Variants in ZSCAN5A observed in about 807,000 individuals in gnomAD.
ZSCAN5A encodes the protein zinc finger and SCAN domain-containing protein 5A.
In ZSCAN5A, 12 loss-of-function variants were observed where a neutral mutation model predicts 23.7. The observed-to-expected ratio is 0.51, with a 90% CI of 0.32 to 0.82. ZSCAN5A has a LOEUF of 0.82. Among genes scored for constraint, ZSCAN5A ranks in the 40% least tolerant of loss-of-function variants. The probability of loss-of-function intolerance (pLI) is 0.03; values close to 1 mark genes in which losing one functional copy is unlikely to be tolerated. For synonymous variants in ZSCAN5A, 257 were observed against 239.9 expected, an observed-to-expected ratio of 1.07 and a Z score of -0.66; for missense variants, 597 against 617.9, an observed-to-expected ratio of 0.97 and a Z score of 0.36.
At chr19:56,251,263 C>T (rs1343074125) in intron 2 of ZSCAN5A, among the ~76,000 whole-genome samples, 1 of 151,990 alleles carries the variant, frequency 6.6e-6, no homozygotes, top group Non-Finnish European at 1.5e-5. Flanking sequence ...TGCCTTTCTC[C>T]ATGATGTTTA....
At chr19:56,307,294 A>G (rs78528123) in intron 2 of ZSCAN5A, among the ~76,000 whole-genome samples, 17,383 of 152,158 alleles carry the variant, frequency 0.11, 1,104 homozygotes, top group African/African-American at 0.16. Flanking sequence ...ACTCGATCAT[A>G]CGATATACCC....
At chr19:56,226,694 C>T (rs1487147939) in intron 2 of ZSCAN5A, among the ~76,000 whole-genome samples, 1 of 152,150 alleles carries the variant, frequency 6.6e-6, no homozygotes, top group Non-Finnish European at 1.5e-5. Flanking sequence ...CTGCATGATC[C>T]GGCAATCCCG....
intron 2 of ZSCAN5A, among the ~76,000 whole-genome samples, chr19:56,326,786 T>C (rs564944865): frequency 3.3e-5 from 5 of 152,264 alleles, no homozygotes; most frequent in African/African-American, 1.2e-4. Flanking sequence ...GGCCCTAATA[T>C]GCAACATATT....
chr19:56,304,583 C>G (rs984864350), intron 2 of ZSCAN5A, among the ~76,000 whole-genome samples: 1 of 151,978 alleles, frequency 6.6e-6, no homozygotes, highest in Non-Finnish European at 1.5e-5. Context: ...GGAGAACTGG[C>G]TGGAAGATGG....
chr19:56,303,254 T>C lies in ZSCAN5A; in HGVS notation c.-128+10029A>G, dbSNP rs1437788155. Among the ~76,000 whole-genome samples, 4 of 151,878 alleles carry C rather than the reference T, an allele frequency of 2.6e-5. No homozygotes were observed. In the South Asian group the frequency reaches 8.3e-4, roughly 32 times the overall value. The stretch of plus-strand genomic sequence containing the variant: ...CAGCACTGTGGGAGGCTGAGGCGGC[T>C]GGATCACGAGGTCAGGAGTTCAAGA... On this transcript the variant is annotated intron_variant, in intron 2 of 5. Coordinates refer to ENST00000683990, the MANE Select transcript of ZSCAN5A (RefSeq NM_001322064.3).
At chr19:56,321,921 T>C in intron 2 of ZSCAN5A, 1 of 782,204 alleles carries the variant, frequency 1.3e-6, no homozygotes, top group Non-Finnish European at 2.4e-6. Flanking sequence ...TACTGCTCAA[T>C]ATCCAACTTC....
At chr19:56,334,997 C>A (rs991602337) in intron 2 of ZSCAN5A, among the ~76,000 whole-genome samples, 2 of 152,112 alleles carry the variant, frequency 1.3e-5, no homozygotes, top group Non-Finnish European at 2.9e-5. Context: ...ACAAACTTCA[C>A]TGAGCTAAAG....
At chr19:56,329,256 C>G (rs1157223074) in intron 2 of ZSCAN5A, among the ~76,000 whole-genome samples, 1 of 151,076 alleles carries the variant, frequency 6.6e-6, no homozygotes, top group Admixed American at 6.6e-5. Flanking sequence ...GGCTGAGGCA[C>G]GAGAATCAGT....
intron 2 of ZSCAN5A, among the ~76,000 whole-genome samples, chr19:56,231,283 A>C (rs55705536): frequency 0.073 from 11,109 of 152,282 alleles, 481 homozygotes; most frequent in African/African-American, 0.12. Flanking sequence ...TCATATGTCA[A>C]ATTATTAGAT....
chr19:56,355,018 A>G (rs2041692779), intron 2 of ZSCAN5A, among the ~76,000 whole-genome samples: 1 of 152,212 alleles, frequency 6.6e-6, no homozygotes, highest in Non-Finnish European at 1.5e-5. Context: ...TCATGTGGAA[A>G]GCATCTTAGC....
chr19:56,307,542 G>C (rs1008561018), intron 2 of ZSCAN5A, among the ~76,000 whole-genome samples: 14 of 152,156 alleles, frequency 9.2e-5, no homozygotes, highest in Non-Finnish European at 1.5e-5. Context: ...CAAGCACAGG[G>C]TACAGAAGGC....
chr19:56,356,488 T>C (rs1000597153), intron 2 of ZSCAN5A, among the ~76,000 whole-genome samples: 2 of 147,974 alleles, frequency 1.4e-5, no homozygotes, highest in African/African-American at 2.6e-5. Context: ...CTGGGGAGTA[T>C]AGATGAGGCT....
Position 56,222,128 on chromosome 19 carries a change from T to C in ZSCAN5A, c.938A>G (p.Gln313Arg). Reference protein sequence around the residue: ...DASSISQEEPQGEATPVGNRE... With the variant: ...DASSISQEEPRGEATPVGNRE... The stretch of plus-strand genomic sequence containing the variant: ...GTTGCCCACAGGTGTGGCTTCTCCT[T>C]GAGGCTCTTCTTGGGAAATGGAGGA... Residue 313 changes from glutamine to arginine, a missense_variant, in exon 6 of 6, where the codon CAA becomes CGA. By Grantham distance (43) the Gln-to-Arg change is conservative. Transcript: ENST00000683990. 1 of 1,614,128 alleles carries C rather than the reference T, an allele frequency of 6.2e-7. No homozygotes were observed. Among genetic ancestry groups the C allele is most frequent in the South Asian group, 1.1e-5 (1 of 91,074 alleles).
intron 2 of ZSCAN5A, chr19:56,263,577 TG>T (rs1371551057): frequency 1.3e-5 from 2 of 152,172 alleles, no homozygotes; most frequent in Non-Finnish European, 2.9e-5. Flanking sequence ...CCAGAAAAAC[TG>T]CAACTCTAGA....
chr19:56,221,716 G>A lies in ZSCAN5A; in HGVS notation c.1350C>T (p.Thr450=). The part of the protein sequence containing the change: ...FECKDCKKVF[T]YRGSLKEHQR... The stretch of plus-strand genomic sequence containing the variant: ...GGTGCTCCTTCAGGCTCCCCCTGTA[G>A]GTGAAAACTTTCTTGCAGTCTTTAC... Residue 450 remains threonine (T), a synonymous_variant, in exon 6 of 6, where the codon ACC becomes ACT. Coordinates refer to ENST00000683990, the MANE Select transcript of ZSCAN5A (RefSeq NM_001322064.3). 1 of 1,614,194 alleles carries A rather than the reference G, an allele frequency of 6.2e-7. No homozygotes were observed. Among genetic ancestry groups the A allele is most frequent in the Non-Finnish European group, 8.5e-7 (1 of 1,180,044 alleles).
intron 2 of ZSCAN5A, chr19:56,342,993 T>G: frequency 3.5e-6 from 3 of 848,764 alleles, no homozygotes; most frequent in Non-Finnish European, 6.2e-6. Context: ...CCTCCAATCG[T>G]CTTTTCAGAA....
At chr19:56,329,928 T>C (rs146393945) in intron 2 of ZSCAN5A, among the ~76,000 whole-genome samples, 3 of 152,202 alleles carry the variant, frequency 2.0e-5, no homozygotes, top group Non-Finnish European at 4.4e-5. Flanking sequence ...TGATTGATCC[T>C]GTCACTCAGA....
At chr19:56,293,079 C>T (rs952026024) in intron 2 of ZSCAN5A, among the ~76,000 whole-genome samples, 1 of 152,222 alleles carries the variant, frequency 6.6e-6, no homozygotes, top group African/African-American at 2.4e-5. Context: ...CCATGCCCCA[C>T]ACCCACCTCC....
At chr19:56,293,902 A>AC (rs1406764421) in intron 2 of ZSCAN5A, among the ~76,000 whole-genome samples, 1 of 149,746 alleles carries the variant, frequency 6.7e-6, no homozygotes, top group African/African-American at 2.5e-5. Flanking sequence ...AGGTTGAGAA[A>AC]CCCCCCGCTG....
Sources: allele counts gnomAD v4.1 joint callset (sites outside exome capture counted in the v4.1 genomes callset), GRCh38; gene constraint gnomAD v4.1.1; transcripts MANE v1.5; gene names NCBI Gene and HGNC (gene_info 2026-07-23, HGNC 2026-07-21).